Variants in LINGO1 observed in about 807,000 individuals in gnomAD.
The protein encoded by LINGO1 is leucine-rich repeat and immunoglobulin-like domain-containing nogo receptor-interacting protein 1.
A neutral mutation model predicts 37.3 loss-of-function variants in LINGO1; 11 were observed. The observed-to-expected ratio is 0.29, with a 90% CI of 0.19 to 0.49. The LOEUF is 0.49. LINGO1 is among the 20% of genes least tolerant of loss of function. The probability of loss-of-function intolerance (pLI) is 0.99; values close to 1 mark genes in which losing one functional copy is unlikely to be tolerated. For missense variants in LINGO1, 585 were observed against 878.2 expected (o/e 0.67, Z 4.22); for synonymous variants, 387 against 403.0 (o/e 0.96, Z 0.48).
intron 1 of LINGO1, among the ~76,000 whole-genome samples, chr15:77,618,822 CCTG>C (rs1319270371): frequency 0.6 from 18 of 30 alleles, 9 homozygotes; most frequent in Admixed American, 1. Context: ...GCCTCGATCT[CCTG>C]ACCTCGTGAT....
At chr15:77,652,483 A>AGAGTGTGTGTGTGTGTGTGTGTGTGT (rs1555525720) in intron 3 of LINGO1, among the ~76,000 whole-genome samples, 1 of 128,878 alleles carries the variant, frequency 7.8e-6, no homozygotes, top group African/African-American at 3.2e-5. Context: ...GGGGAGGGAG[A>AGAGTGTGTGTGTGTGTGTGTGTGTGT]GTGTGTGTGT....
At chr15:77,818,193 A>C (rs1331188963) in intron 1 of LINGO1, among the ~76,000 whole-genome samples, 1 of 152,186 alleles carries the variant, frequency 6.6e-6, no homozygotes, top group African/African-American at 2.4e-5. Flanking sequence ...CCTGCCCTGG[A>C]AACAAGGAGG....
intron 1 of LINGO1, among the ~76,000 whole-genome samples, chr15:77,742,884 G>A (rs1163776710): frequency 6.6e-6 from 1 of 152,196 alleles, no homozygotes; most frequent in African/African-American, 2.4e-5. Context: ...GTGTGGACCA[G>A]CCCTGGCAGT....
chr15:77,644,455 C>T (rs1298969874), intron 3 of LINGO1, among the ~76,000 whole-genome samples: 1 of 152,206 alleles, frequency 6.6e-6, no homozygotes, highest in Non-Finnish European at 1.5e-5. Context: ...CCAGGGGTCC[C>T]CAAACAGGCT....
At chr15:77,688,052 AAGAGCAT>A (rs2075541785) in intron 2 of LINGO1, among the ~76,000 whole-genome samples, 1 of 152,178 alleles carries the variant, frequency 6.6e-6, no homozygotes. Flanking sequence ...TCAGCTCTCC[AAGAGCAT>A]GGGCTGTTGG....
rs916137709 is a variant in LINGO1 at position 77,628,580 on chromosome 15, T to C, written c.6+3730A>G. ...TGAAATACATAATTTAGAGTAGTCA[T>C]TGAAAAAGAGGCAACGGGACGGGGT... On this transcript the variant is annotated intron_variant, in intron 1 of 1. Transcript: ENST00000355300. 7.2e-5 allele frequency among the ~76,000 whole-genome samples: 11 copies of C among 152,284 alleles called. No homozygotes were observed. The East Asian group carries it at 2.1e-3, about 29-fold the overall frequency.
chr15:77,735,691 G>A (rs1015087549), intron 1 of LINGO1, among the ~76,000 whole-genome samples: 1 of 152,208 alleles, frequency 6.6e-6, no homozygotes, highest in Non-Finnish European at 1.5e-5. Context: ...TCCTGGGGGT[G>A]GTGGGGCCTG....
chr15:77,728,080 G>C (rs577640552), intron 2 of LINGO1, among the ~76,000 whole-genome samples: 1 of 152,334 alleles, frequency 6.6e-6, no homozygotes, highest in South Asian at 2.1e-4. Flanking sequence ...GAGAGCCCCA[G>C]GTCAGGGCTG....
At chr15:77,640,194 A>G (rs2074473958) in intron 3 of LINGO1, among the ~76,000 whole-genome samples, 1 of 152,188 alleles carries the variant, frequency 6.6e-6, no homozygotes, top group South Asian at 2.1e-4. Flanking sequence ...TCCTTTCCCT[A>G]GATAGGTGTG....
chr15:77,678,952 G>C (rs1414897990), intron 2 of LINGO1, among the ~76,000 whole-genome samples: 1 of 152,112 alleles, frequency 6.6e-6, no homozygotes, highest in Non-Finnish European at 1.5e-5. Flanking sequence ...CCTGGCTGGA[G>C]TGCAGTGGCG....
chr15:77,721,668 A>C (rs1455356223), intron 2 of LINGO1, among the ~76,000 whole-genome samples: 1 of 152,132 alleles, frequency 6.6e-6, no homozygotes, highest in Non-Finnish European at 1.5e-5. Flanking sequence ...GCCTGCCCTA[A>C]GTCTGAGAAA....
chr15:77,773,228 T>C (rs555454716), intron 1 of LINGO1, among the ~76,000 whole-genome samples: 3 of 152,156 alleles, frequency 2.0e-5, no homozygotes, highest in Non-Finnish European at 4.4e-5. Context: ...CTGCTGAAGA[T>C]CCATGGGACT....
At chr15:77,662,111 C>T (rs1211882954) in intron 3 of LINGO1, among the ~76,000 whole-genome samples, 2 of 152,180 alleles carry the variant, frequency 1.3e-5, no homozygotes, top group African/African-American at 2.4e-5. Context: ...AGACCTTTTC[C>T]AGCTCCATAC....
chr15:77,767,188 T>C (rs2076538802), intron 1 of LINGO1, among the ~76,000 whole-genome samples: 1 of 152,170 alleles, frequency 6.6e-6, no homozygotes. Context: ...AAGAGAAGGT[T>C]CTAGAAGCTT....
chr15:77,623,780 C>A (rs2073997538), intron 1 of LINGO1, among the ~76,000 whole-genome samples: 1 of 150,988 alleles, frequency 6.6e-6, no homozygotes, highest in African/African-American at 2.4e-5. Context: ...AATTCTTTAT[C>A]TTCCTCTTGC....
chr15:77,733,787 G>A (rs547867922), intron 2 of LINGO1, among the ~76,000 whole-genome samples: 17 of 152,324 alleles, frequency 1.1e-4, no homozygotes, highest in Admixed American at 7.8e-4. Flanking sequence ...TCCACTGAGC[G>A]TAGTTTCTCC....
At chr15:77,689,859 A>G (rs1165745897) in intron 2 of LINGO1, among the ~76,000 whole-genome samples, 1 of 152,188 alleles carries the variant, frequency 6.6e-6, no homozygotes, top group Non-Finnish European at 1.5e-5. Context: ...CGATGTCCCA[A>G]ACTTCCTGGA....
intron 1 of LINGO1, among the ~76,000 whole-genome samples, chr15:77,763,860 C>A (rs1187330210): frequency 1.3e-5 from 2 of 152,176 alleles, no homozygotes; most frequent in Non-Finnish European, 2.9e-5. Flanking sequence ...CCAGCAAAAA[C>A]ACAGGGCTTC....
chr15:77,765,379 C>T (rs867900525), intron 1 of LINGO1, among the ~76,000 whole-genome samples: 12 of 151,484 alleles, frequency 7.9e-5, no homozygotes, highest in African/African-American at 2.7e-4. Flanking sequence ...CGTGCCACTG[C>T]ACTCCAGCCT....
Sources: gnomAD v4.1 joint callset for allele counts (sites outside exome capture counted in the v4.1 genomes callset) on GRCh38, gnomAD v4.1.1 for gene constraint, MANE v1.5 for transcripts, NCBI Gene and HGNC (gene_info 2026-07-23, HGNC 2026-07-21) for gene names.